The following DMD variants were observed in gnomAD, a reference collection of about 807,000 sequenced individuals.
The protein encoded by DMD is dystrophin.
In DMD, 63 loss-of-function variants were observed where a neutral mutation model predicts 330.1. The observed-to-expected ratio is 0.19, with a 90% CI of 0.16 to 0.24. The LOEUF is 0.24. Among genes scored for constraint, DMD ranks in the 10% least tolerant of loss-of-function variants. DMD has a pLI of 1.00. For missense variants in DMD, 3,344 were observed against 2,684.1 expected (o/e 1.25, Z -5.43); for synonymous variants, 1,223 against 959.8 (o/e 1.27, Z -5.07).
At chrX:32,983,871 T>C (rs925729719) in intron 2 of DMD, among the ~76,000 whole-genome samples, 3 of 111,464 alleles carry the variant, frequency 2.7e-5, no homozygotes, top group African/African-American at 9.8e-5. Context: ...GCTCTGTGTT[T>C]ACTCAGAGCA....
rs1048984895 is a variant in DMD, at chrX:32,035,443, C to T, written c.6439-66929G>A. 6.9e-4 allele frequency: 109 copies of T among 158,819 alleles called. 2 individuals carry two copies. The highest frequency in any genetic ancestry group is 4.3e-4 in the South Asian group (4 of 9,396). 13.1% of individuals were successfully genotyped at this position (158,819 alleles called of 1,213,427 possible). ...GGGAAAGAAATGTATTGAGTACCTG[C>T]TGTGTGTTAGATATGGTGCTAGGTC... is the stretch of plus-strand genomic sequence containing the variant. On this transcript the variant is annotated intron_variant, in intron 44 of 78. Transcript: ENST00000357033.
chrX:31,593,278 G>T (rs988623265), intron 55 of DMD, among the ~76,000 whole-genome samples: 2 of 110,904 alleles, frequency 1.8e-5, no homozygotes, highest in African/African-American at 3.3e-5. Flanking sequence ...GACTTGGAGG[G>T]GGTTTAAACC....
At chrX:32,360,113 T>C (rs2097825591) in intron 37 of DMD, among the ~76,000 whole-genome samples, 1 of 111,358 alleles carries the variant, frequency 9.0e-6, no homozygotes, top group African/African-American at 3.3e-5. Context: ...TTGTTCTCTC[T>C]GCCGAGATCA....
chrX:31,598,964 T>C (rs1055637570), intron 55 of DMD, among the ~76,000 whole-genome samples: 1 of 111,990 alleles, frequency 8.9e-6, no homozygotes, highest in Non-Finnish European at 1.9e-5. Context: ...TGTCTCATTT[T>C]TCATGGAGGC....
chrX:32,821,083 T>A lies in DMD; in HGVS notation c.357+2212A>T, dbSNP rs142815389. Among the ~76,000 whole-genome samples the A allele has an allele frequency of 1.1e-4, 12 of 111,283 alleles. No individual in the cohort carries two copies. The East Asian group carries it at 3.5e-3, about 32-fold the overall frequency. On this transcript the variant is annotated intron_variant, in intron 5 of 78. Coordinates refer to ENST00000357033, the MANE Select transcript of DMD (RefSeq NM_004006.3). The stretch of plus-strand genomic sequence containing the variant: ...GGGCTCACTTAAGGCTCCTATGAGC[T>A]ATTCTTTGTTGCCAGCACATATTAA...
At chrX:31,453,461 G>A (rs760695426) in intron 59 of DMD, among the ~76,000 whole-genome samples, 5 of 110,420 alleles carry the variant, frequency 4.5e-5, no homozygotes, top group Non-Finnish European at 9.5e-5. Flanking sequence ...CATGCCTGGT[G>A]GGGATTATCG....
At chrX:33,055,099 G>A (rs900458492) in intron 1 of DMD, among the ~76,000 whole-genome samples, 31 of 111,633 alleles carry the variant, frequency 2.8e-4, no homozygotes, top group African/African-American at 1.0e-3. Flanking sequence ...GAAGCTCAAC[G>A]TTAAAAGAGA....
At chrX:31,801,580 TC>T (rs761209143) in intron 50 of DMD, among the ~76,000 whole-genome samples, 391 of 64,418 alleles carry the variant, frequency 6.1e-3, no homozygotes, top group East Asian at 8.7e-3. Flanking sequence ...AGTGTCCTCA[TC>T]CCCCCCCCCC....
chrX:32,293,506 T>C (rs5927070), intron 42 of DMD, among the ~76,000 whole-genome samples: 24,446 of 110,418 alleles, frequency 0.22, 2,128 homozygotes, highest in East Asian at 0.48. Context: ...TAGGAGGTCA[T>C]TGGTGATCTT....
intron 56 of DMD, among the ~76,000 whole-genome samples, chrX:31,504,825 T>C (rs1373611371): frequency 8.9e-6 from 1 of 112,153 alleles, no homozygotes. Context: ...TTATAACATA[T>C]CCTGTATTAT....
chrX:31,460,877 C>T lies in DMD; in HGVS notation c.8938-16250G>A, dbSNP rs188735063. Among the ~76,000 whole-genome samples the T allele has an allele frequency of 9.7e-3, 1,078 of 111,691 alleles. 5 individuals are homozygous for T. The highest frequency in any genetic ancestry group is 0.019 in the Middle Eastern group (4 of 215). ...GATTACAGGCGTGAGCCACCACGGC[C>T]GGCCATGACTAAATATTTTTAACGT... On this transcript the variant is annotated intron_variant, in intron 59 of 78. Transcript: ENST00000357033.
intron 44 of DMD, among the ~76,000 whole-genome samples, chrX:32,180,791 C>T (rs910641287): frequency 1.8e-5 from 2 of 110,970 alleles, no homozygotes; most frequent in Non-Finnish European, 3.8e-5. Context: ...GCAGGAAGAG[C>T]CCCTTATAAA....
Position 32,568,565 on chromosome X carries a change from TG to T in DMD, c.1813-2685del, listed in dbSNP as rs200259865. On this transcript the variant is annotated intron_variant, in intron 15 of 78. Coordinates refer to ENST00000357033, the MANE Select transcript of DMD (RefSeq NM_004006.3). ...TGCACTCAAGGTAAAGTAAAATCAA[TG>T]TTATAATTACATTGTGTGATTATTG... Among the ~76,000 whole-genome samples the T allele has an allele frequency of 6.8e-3, 752 of 110,226 alleles. 2 individuals carry two copies. Among genetic ancestry groups the T allele is most frequent in the African/African-American group, 0.023 (711 of 30,340 alleles).
chrX:32,823,901 C>A (rs1249346919), intron 4 of DMD, among the ~76,000 whole-genome samples: 2 of 111,290 alleles, frequency 1.8e-5, no homozygotes, highest in Non-Finnish European at 3.8e-5. Flanking sequence ...GTTTTATTTG[C>A]CTTAATCAAG....
intron 45 of DMD, among the ~76,000 whole-genome samples, chrX:31,946,392 G>T (rs1041617666): frequency 6.3e-5 from 7 of 111,749 alleles, no homozygotes; most frequent in Admixed American, 1.9e-4. Flanking sequence ...CAGAGAAATG[G>T]ACAGGTAATA....
chrX:33,020,267 A>G (rs1165490110), intron 1 of DMD, 67 bp from the exon 2 acceptor site: 9 of 786,792 alleles, frequency 1.1e-5, no homozygotes, highest in Non-Finnish European at 1.7e-5. Context: ...TTTTACAACC[A>G]AAGTAACTTT....
chrX:32,830,128 G>A (rs1439284446), intron 4 of DMD, among the ~76,000 whole-genome samples: 1 of 111,311 alleles, frequency 9.0e-6, no homozygotes, highest in Non-Finnish European at 1.9e-5. Context: ...ACTCTTCAAT[G>A]CCTCACATTG....
chrX:32,157,558 A>G lies in DMD; in HGVS notation c.6438+59358T>C, dbSNP rs185882928. Among the ~76,000 whole-genome samples, 5 of 112,212 alleles carry G rather than the reference A, an allele frequency of 4.5e-5. No homozygotes were observed. The East Asian group carries it at 1.4e-3, about 31-fold the overall frequency. The stretch of plus-strand genomic sequence containing the variant: ...GATAGAGCCTGGTACTTGAGGTGCT[A>G]TTTCAGCACCATTTCTGTAATTCTG... On this transcript the variant is annotated intron_variant, in intron 44 of 78. Transcript: ENST00000357033.
At chrX:32,852,250 G>A (rs1274213019) in intron 2 of DMD, among the ~76,000 whole-genome samples, 1 of 111,479 alleles carries the variant, frequency 9.0e-6, no homozygotes, top group Non-Finnish European at 1.9e-5. Context: ...CCCATTCCAG[G>A]CCCTGGCTCC....
Sources: allele counts gnomAD v4.1 joint callset (sites outside exome capture counted in the v4.1 genomes callset), GRCh38; gene constraint gnomAD v4.1.1; transcripts MANE v1.5; gene names NCBI Gene and HGNC (gene_info 2026-07-23, HGNC 2026-07-21).